The following PGBD5 variants were observed in gnomAD, a reference collection of about 807,000 sequenced individuals.
The protein encoded by PGBD5 is piggyBac transposable element derived 5, also known as piggyBac transposable element-derived protein 5.
In PGBD5, 14 loss-of-function variants were observed where a neutral mutation model predicts 47.9. The observed-to-expected ratio is 0.29, with a 90% CI of 0.19 to 0.46. The LOEUF (loss-of-function observed/expected upper bound fraction) is 0.46. PGBD5 is among the 20% of genes least tolerant of loss of function. The pLI is 1.00. For synonymous variants in PGBD5, 316 were observed against 306.3 expected, an observed-to-expected ratio of 1.03 and a Z score of -0.33; for missense variants, 635 against 716.0, an observed-to-expected ratio of 0.89 and a Z score of 1.29.
chr1:230,375,562 C>G (rs375522578), intron 1 of PGBD5, among the ~76,000 whole-genome samples: 21 of 150,802 alleles, frequency 1.4e-4, no homozygotes, highest in African/African-American at 5.1e-4. Context: ...AACTCAGCAT[C>G]TTCCTAATCC....
At chr1:230,367,470 G>A (rs990595933) in intron 1 of PGBD5, among the ~76,000 whole-genome samples, 1 of 152,174 alleles carries the variant, frequency 6.6e-6, no homozygotes. Flanking sequence ...GAGAGTCCGA[G>A]GCTGGAGGGT....
intron 1 of PGBD5, among the ~76,000 whole-genome samples, chr1:230,383,742 G>A (rs1656568853): frequency 1.3e-5 from 2 of 152,208 alleles, no homozygotes; most frequent in African/African-American, 2.4e-5. Flanking sequence ...AGACAGCACT[G>A]GGAGCCAGTG....
At chr1:230,346,360 T>A (rs1667472777) in intron 3 of PGBD5, among the ~76,000 whole-genome samples, 1 of 152,200 alleles carries the variant, frequency 6.6e-6, no homozygotes, top group Non-Finnish European at 1.5e-5. Context: ...ATTTTCAATT[T>A]ACTAGGGGTT....
intron 1 of PGBD5, among the ~76,000 whole-genome samples, chr1:230,421,423 G>A (rs55734997): frequency 8.7e-4 from 132 of 152,290 alleles, no homozygotes; most frequent in African/African-American, 3.1e-3. Context: ...TATTGAGTCT[G>A]ACTAGTTAGA....
intron 1 of PGBD5, among the ~76,000 whole-genome samples, chr1:230,397,086 C>T (rs1028427772): frequency 3.3e-5 from 5 of 152,154 alleles, no homozygotes; most frequent in Admixed American, 6.5e-5. Flanking sequence ...CTCTGTGACC[C>T]GATTCCAAGA....
At chr1:230,421,365 T>A (rs1233548727) in intron 1 of PGBD5, among the ~76,000 whole-genome samples, 1 of 152,164 alleles carries the variant, frequency 6.6e-6, no homozygotes, top group Non-Finnish European at 1.5e-5. Flanking sequence ...TATTTTTTAC[T>A]GAAAAAGGTT....
rs1303657978 is a variant in PGBD5, at chr1:230,321,997, G to A, written c.*1428C>T. On this transcript the variant is annotated 3_prime_UTR_variant, in exon 7 of 7. Coordinates refer to ENST00000391860, the MANE Select transcript of PGBD5 (RefSeq NM_001258311.2). Reference sequence around the variant, plus strand: ...ACACTCGCAATAACTGAGTGAGGACGAGGCCCATAGCCTGAGTAGAATAGA... The same window carrying A: ...ACACTCGCAATAACTGAGTGAGGACAAGGCCCATAGCCTGAGTAGAATAGA... The A allele has an allele frequency of 6.6e-6, 1 of 152,426 alleles. No individual in the cohort carries two copies. The highest frequency in any genetic ancestry group is 1.5e-5 in the Non-Finnish European group (1 of 68,042). The allele number at this position is 152,426 out of a possible 1,614,324, so 9.4% of individuals were successfully genotyped here.
At chr1:230,409,385 T>C (rs1227519012) in intron 1 of PGBD5, among the ~76,000 whole-genome samples, 4 of 152,140 alleles carry the variant, frequency 2.6e-5, no homozygotes, top group African/African-American at 7.2e-5. Context: ...ATGAAAACCA[T>C]GTCCACACGA....
intron 5 of PGBD5, among the ~76,000 whole-genome samples, chr1:230,330,832 T>C (rs1229342735): frequency 1.3e-5 from 2 of 152,176 alleles, no homozygotes; most frequent in African/African-American, 4.8e-5. Flanking sequence ...TGATGTAAAA[T>C]AGAATACTTT....
intron 1 of PGBD5, among the ~76,000 whole-genome samples, chr1:230,401,988 G>A (rs146945938): frequency 1.5e-3 from 229 of 152,326 alleles, no homozygotes; most frequent in Non-Finnish European, 2.9e-3. Flanking sequence ...GTCTCACACT[G>A]TAAGACAGCA....
chr1:230,328,212 T>C (rs2102812568), intron 5 of PGBD5, among the ~76,000 whole-genome samples: 1 of 152,320 alleles, frequency 6.6e-6, no homozygotes, highest in Middle Eastern at 3.4e-3. Flanking sequence ...ACTGTCACTG[T>C]CCCAATCTAC....
chr1:230,412,378 T>A (rs902155333), intron 1 of PGBD5, among the ~76,000 whole-genome samples: 1 of 149,578 alleles, frequency 6.7e-6, no homozygotes. Flanking sequence ...AAATGGATCA[T>A]CCTAAAGTCT....
chr1:230,344,285 C>CAA (rs1215909793), intron 3 of PGBD5, among the ~76,000 whole-genome samples: 2 of 136,168 alleles, frequency 1.5e-5, no homozygotes, highest in Non-Finnish European at 3.2e-5. Flanking sequence ...ACTCCGTCTC[C>CAA]AAAAAAAAAA....
intron 5 of PGBD5, among the ~76,000 whole-genome samples, chr1:230,327,945 C>T (rs1667149004): frequency 1.3e-5 from 2 of 152,276 alleles, no homozygotes; most frequent in Non-Finnish European, 2.9e-5. Context: ...ACAACCTTCT[C>T]TGGGTCACAG....
chr1:230,391,936 C>G (rs537007609), intron 1 of PGBD5, among the ~76,000 whole-genome samples: 4 of 152,132 alleles, frequency 2.6e-5, no homozygotes, highest in African/African-American at 4.8e-5. Flanking sequence ...CCCTTCTCCC[C>G]CAAAGGGAGC....
intron 1 of PGBD5, among the ~76,000 whole-genome samples, chr1:230,400,994 A>G (rs1209302494): frequency 1.3e-5 from 2 of 152,250 alleles, no homozygotes; most frequent in Non-Finnish European, 1.5e-5. Context: ...ACTAAAGCCC[A>G]TGAGATTGTA....
At chr1:230,326,734 C>CA (rs1197660165) in intron 5 of PGBD5, among the ~76,000 whole-genome samples, 2 of 152,136 alleles carry the variant, frequency 1.3e-5, no homozygotes, top group African/African-American at 4.8e-5. Flanking sequence ...CTGGGCCTCC[C>CA]AAAACTCTGG....
At chr1:230,415,979 T>C (rs1196573553) in intron 1 of PGBD5, among the ~76,000 whole-genome samples, 1 of 152,166 alleles carries the variant, frequency 6.6e-6, no homozygotes, top group African/African-American at 2.4e-5. Context: ...CTTGACAGGA[T>C]GGTTGTGAGG....
intron 1 of PGBD5, among the ~76,000 whole-genome samples, chr1:230,424,946 A>G (rs1041025614): frequency 3.9e-5 from 6 of 152,146 alleles, no homozygotes; most frequent in African/African-American, 1.4e-4. Context: ...AGCAGGACAC[A>G]CCTGAAAGTA....
Sources: gnomAD v4.1 joint callset for allele counts (sites outside exome capture counted in the v4.1 genomes callset) on GRCh38, gnomAD v4.1.1 for gene constraint, MANE v1.5 for transcripts, NCBI Gene and HGNC (gene_info 2026-07-23, HGNC 2026-07-21) for gene names.